Variants in ARID1B observed in about 807,000 individuals in gnomAD.
ARID1B encodes the protein AT-rich interactive domain-containing protein 1B.
A neutral mutation model predicts 212.3 loss-of-function variants in ARID1B; 30 were observed. The observed-to-expected ratio is 0.14, with a 90% CI of 0.11 to 0.19. ARID1B has a LOEUF of 0.19. ARID1B is among the 10% of genes least tolerant of loss of function. The probability of loss-of-function intolerance (pLI) is 1.00; values close to 1 mark genes in which losing one functional copy is unlikely to be tolerated. For synonymous variants in ARID1B, 1,402 were observed against 1,301.7 expected (o/e 1.08, Z -1.66); for missense variants, 2,891 against 3,204.0 (o/e 0.90, Z 2.36).
intron 6 of ARID1B, among the ~76,000 whole-genome samples, chr6:157,127,386 G>A (rs1433137509): frequency 6.6e-6 from 1 of 152,164 alleles, no homozygotes; most frequent in East Asian, 1.9e-4. Context: ...GCCGGGCATG[G>A]TGCCTCACAC....
At chr6:157,052,163 A>G (rs1175666789) in intron 4 of ARID1B, among the ~76,000 whole-genome samples, 1 of 152,216 alleles carries the variant, frequency 6.6e-6, no homozygotes, top group Non-Finnish European at 1.5e-5. Context: ...AGCAATGAAA[A>G]TAAAGGTTGG....
chr6:156,898,978 G>A (rs1788710203), intron 2 of ARID1B, among the ~76,000 whole-genome samples: 1 of 152,148 alleles, frequency 6.6e-6, no homozygotes, highest in South Asian at 2.1e-4. Context: ...TCTCAAACAA[G>A]CAAACAAAGA....
At chr6:157,162,007 CA>C (rs1790978904) in intron 8 of ARID1B, among the ~76,000 whole-genome samples, 1 of 152,188 alleles carries the variant, frequency 6.6e-6, no homozygotes, top group Non-Finnish European at 1.5e-5. Flanking sequence ...CCGTGTCTGC[CA>C]CTGGGATGGG....
At chr6:157,005,856 G>A (rs987466059) in intron 4 of ARID1B, among the ~76,000 whole-genome samples, 1 of 151,956 alleles carries the variant, frequency 6.6e-6, no homozygotes, top group Non-Finnish European at 1.5e-5. Context: ...CTAACTCCCT[G>A]AACTTAAAAC....
chr6:156,780,932 A>G (rs1001269881), intron 1 of ARID1B, among the ~76,000 whole-genome samples: 26 of 152,340 alleles, frequency 1.7e-4, no homozygotes, highest in Admixed American at 1.4e-3. Flanking sequence ...TTCCCTTTAC[A>G]AATTCAACTA....
chr6:157,085,071 T>C (rs1431059821), intron 5 of ARID1B, among the ~76,000 whole-genome samples, 166 bp downstream of exon 5: 1 of 152,238 alleles, frequency 6.6e-6, no homozygotes, highest in East Asian at 1.9e-4. Flanking sequence ...CCTAAAGATA[T>C]TCAACAGGTG....
At chr6:157,061,970 G>C (rs761313581) in intron 4 of ARID1B, among the ~76,000 whole-genome samples, 5 of 152,108 alleles carry the variant, frequency 3.3e-5, no homozygotes, top group Non-Finnish European at 7.4e-5. Context: ...TTTTCCAGCA[G>C]CTAATAACCA....
intron 7 of ARID1B, among the ~76,000 whole-genome samples, chr6:157,135,847 T>A (rs1788867503): frequency 6.6e-6 from 1 of 152,218 alleles, no homozygotes; most frequent in African/African-American, 2.4e-5. Context: ...AGCTTCCTTC[T>A]TTGCATTAGA....
At chr6:156,891,992 C>T (rs1487666597) in intron 2 of ARID1B, among the ~76,000 whole-genome samples, 3 of 150,692 alleles carry the variant, frequency 2.0e-5, no homozygotes, top group African/African-American at 7.3e-5. Flanking sequence ...CTGCCTCACT[C>T]TCCTGAGTAG....
At chr6:156,896,201 G>A (rs1442668198) in intron 2 of ARID1B, among the ~76,000 whole-genome samples, 1 of 152,150 alleles carries the variant, frequency 6.6e-6, no homozygotes, top group Admixed American at 6.5e-5. Context: ...GAACATGTGT[G>A]TTTCATGGTT....
chr6:157,097,916 G>A (rs902507609), intron 5 of ARID1B, among the ~76,000 whole-genome samples: 3 of 152,166 alleles, frequency 2.0e-5, no homozygotes, highest in African/African-American at 7.2e-5. Context: ...GAACGGGTGG[G>A]GGAAACGACT....
intron 3 of ARID1B, among the ~76,000 whole-genome samples, chr6:156,911,466 G>T (rs1477635441): frequency 2.0e-5 from 3 of 149,190 alleles, no homozygotes; most frequent in Non-Finnish European, 4.4e-5. Flanking sequence ...GGATAATCTA[G>T]CATTCCTACC....
Position 157,045,654 on chromosome 6 carries a change from T to C in ARID1B, c.2248-39008T>C, listed in dbSNP as rs563106642. Among the ~76,000 whole-genome samples the C allele has an allele frequency of 1.3e-4, 20 of 152,358 alleles. No individual in the cohort carries two copies. The South Asian group carries it at 1.7e-3, about 13-fold the overall frequency. ...AGTATATTTAAGATAACCAATGTCA[T>C]TGAAACAAAACTAGCAAACAGTTTT... is the stretch of plus-strand genomic sequence containing the variant. On this transcript the variant is annotated intron_variant, in intron 4 of 19. Coordinates refer to ENST00000636930, the MANE Select transcript of ARID1B (RefSeq NM_001374828.1).
chr6:156,794,243 CT>C (rs915172003), intron 1 of ARID1B, among the ~76,000 whole-genome samples: 14 of 149,674 alleles, frequency 9.4e-5, no homozygotes, highest in Admixed American at 5.3e-4. Context: ...AAATTGCATT[CT>C]TTTTTTTTTC....
rs146824660 is a variant in ARID1B, at chr6:156,854,659, G to A, written c.1986+25238G>A. ...CTGTAAACCGTCGCGGTGTGCCCCC[G>A]CACCCATCCCGGCCATCCTGCCACG... is the stretch of plus-strand genomic sequence containing the variant. On this transcript the variant is annotated intron_variant, in intron 2 of 19. Transcript: ENST00000636930. 2.3e-3 allele frequency among the ~76,000 whole-genome samples: 347 copies of A among 152,318 alleles called. 1 individual carries two copies. Among genetic ancestry groups the A allele is most frequent in the Non-Finnish European group, 3.8e-3 (257 of 68,022 alleles).
chr6:156,940,325 G>A (rs1202220343), intron 4 of ARID1B: 1 of 152,182 alleles, frequency 6.6e-6, no homozygotes, highest in Non-Finnish European at 1.5e-5. Context: ...TATCTAAAGA[G>A]GTTGGCATGA....
At chr6:157,000,988 C>T (rs571429312) in intron 4 of ARID1B, among the ~76,000 whole-genome samples, 8 of 152,120 alleles carry the variant, frequency 5.3e-5, no homozygotes, top group African/African-American at 1.2e-4. Context: ...AGCCACTGTG[C>T]CCGGCCTAAA....
At chr6:157,098,632 A>G (rs1785826552) in intron 5 of ARID1B, among the ~76,000 whole-genome samples, 1 of 152,232 alleles carries the variant, frequency 6.6e-6, no homozygotes. Context: ...ATTTTTGGTC[A>G]TACTGCCTAT....
At chr6:157,085,529 G>C (rs1305918848) in intron 5 of ARID1B, among the ~76,000 whole-genome samples, 4 of 151,942 alleles carry the variant, frequency 2.6e-5, no homozygotes, top group African/African-American at 4.8e-5. Context: ...TATTTATTTG[G>C]TTATTTATTT....
Sources: allele counts gnomAD v4.1 joint callset (sites outside exome capture counted in the v4.1 genomes callset), GRCh38; gene constraint gnomAD v4.1.1; transcripts MANE v1.5; gene names NCBI Gene and HGNC (gene_info 2026-07-23, HGNC 2026-07-21).